The following NOX4 variants were observed in gnomAD, a reference collection of about 807,000 sequenced individuals.
The protein encoded by NOX4 is kidney oxidase-1.
In NOX4, 69 loss-of-function variants were observed where a neutral mutation model predicts 87.6. The ratio of observed to expected loss-of-function variants is 0.79; its 90% CI spans 0.65 to 0.96. The LOEUF (loss-of-function observed/expected upper bound fraction) is 0.96. Among genes scored for constraint, NOX4 ranks in the 40% least tolerant of loss-of-function variants. The pLI is 0.00. For missense variants in NOX4, 680 were observed against 681.5 expected (o/e 1.00, Z 0.02); for synonymous variants, 275 against 238.2 (o/e 1.15, Z -1.42).
the NOX4 span, among the ~76,000 whole-genome samples, chr11:89,566,781 G>A: frequency 1.3e-5 from 2 of 152,190 alleles, no homozygotes; most frequent in African/African-American, 2.4e-5. Flanking sequence ...AACCCTGCAT[G>A]AGACTGCCAA....
chr11:89,457,798 C>T (rs1565317587), intron 2 of NOX4, among the ~76,000 whole-genome samples: 3 of 152,038 alleles, frequency 2.0e-5, no homozygotes, highest in African/African-American at 7.3e-5. Context: ...GATCATAATC[C>T]CATTCACAAT....
rs114769918 is a variant in NOX4, at chr11:89,453,974, T to C, written c.154-2079A>G. Among the ~76,000 whole-genome samples the C allele has an allele frequency of 3.9e-3, 598 of 152,266 alleles. 2 individuals carry two copies. The highest frequency in any genetic ancestry group is 0.012 in the African/African-American group (512 of 41,574). ...ACCACCCTAGATAAGACTTCCCTCC[T>C]AGTAACCCTCTCCAGCCCCAAAAAG... On this transcript the variant is annotated intron_variant, in intron 2 of 17. Coordinates refer to ENST00000263317, the MANE Select transcript of NOX4 (RefSeq NM_016931.5).
chr11:89,521,976 G>C, the NOX4 span, among the ~76,000 whole-genome samples: 1 of 151,994 alleles, frequency 6.6e-6, no homozygotes, highest in African/African-American at 2.4e-5. Flanking sequence ...ACCACAATGA[G>C]ATACCACCTC....
the NOX4 span, among the ~76,000 whole-genome samples, chr11:89,520,833 G>C: frequency 6.6e-6 from 1 of 152,062 alleles, no homozygotes; most frequent in Non-Finnish European, 1.5e-5. Context: ...CTGATAAATG[G>C]CTTTAGTAAA....
chr11:89,486,964 T>C (rs1429344779), intron 2 of NOX4, among the ~76,000 whole-genome samples: 1 of 152,134 alleles, frequency 6.6e-6, no homozygotes, highest in Non-Finnish European at 1.5e-5. Context: ...TAAATAAATG[T>C]CACTGGTTTC....
chr11:89,353,164 A>T (rs902901433), intron 13 of NOX4, among the ~76,000 whole-genome samples: 13 of 152,220 alleles, frequency 8.5e-5, no homozygotes, highest in Non-Finnish European at 1.8e-4. Context: ...CTGAAATGAC[A>T]ATTTACTTGA....
In NOX4 at chr11:89,402,530, C is replaced by A. The variant is rs368154245; in HGVS notation, c.642G>T (p.Lys214Asn). The part of the protein sequence containing the change: ...LTLHVSGGLL[K>N]YQTNLDTHPP... ...GGTGGGTATCTAAATTAGTTTGATA[C>A]TTCAGCAGCCCTCTAAAATTACATT... Residue 214 changes from lysine (K) to asparagine (N), a missense_variant, in exon 9 of 18, where the codon AAG (lysine) becomes AAT (asparagine). Coordinates refer to ENST00000263317, the MANE Select transcript of NOX4 (RefSeq NM_016931.5). The A allele has an allele frequency of 2.4e-5, 38 of 1,610,586 alleles. No homozygotes were observed. The African/African-American group carries it at 3.9e-4, about 16-fold the overall frequency.
chr11:89,442,962 A>T (rs538511311), intron 5 of NOX4, among the ~76,000 whole-genome samples: 3 of 152,178 alleles, frequency 2.0e-5, no homozygotes, highest in South Asian at 2.1e-4. Context: ...GAGAAAGGGA[A>T]GCAGGTGGAA....
At chr11:89,383,876 G>A (rs1444578150) in intron 11 of NOX4, among the ~76,000 whole-genome samples, 1 of 151,950 alleles carries the variant, frequency 6.6e-6, no homozygotes, top group African/African-American at 2.4e-5. Flanking sequence ...TAATCCACAA[G>A]TATAGGATAA....
At chr11:89,508,628 G>A in the NOX4 span, among the ~76,000 whole-genome samples, 1 of 151,964 alleles carries the variant, frequency 6.6e-6, no homozygotes, top group African/African-American at 2.4e-5. Flanking sequence ...TTTTGGAGAG[G>A]ACGGATATGA....
the NOX4 span, chr11:89,548,606 G>A: frequency 6.6e-6 from 1 of 151,940 alleles, no homozygotes. Context: ...GGCCTAGACA[G>A]TGAGGCCTTT....
the NOX4 span, among the ~76,000 whole-genome samples, chr11:89,570,257 A>G: frequency 2.0e-5 from 3 of 152,212 alleles, no homozygotes; most frequent in Non-Finnish European, 4.4e-5. Flanking sequence ...GCAAGAAAAG[A>G]AAACCAAACA....
At chr11:89,425,149 T>C (rs1168496809) in intron 7 of NOX4, among the ~76,000 whole-genome samples, 2 of 151,774 alleles carry the variant, frequency 1.3e-5, no homozygotes, top group Admixed American at 6.6e-5. Context: ...CAAGAATTCC[T>C]AAAATTGAAA....
At chr11:89,446,507 C>T (rs890469341) in intron 4 of NOX4, among the ~76,000 whole-genome samples, 2 of 151,740 alleles carry the variant, frequency 1.3e-5, no homozygotes, top group African/African-American at 4.8e-5. Context: ...AACTGTGGTA[C>T]ATCCAGATAA....
intron 2 of NOX4, among the ~76,000 whole-genome samples, chr11:89,470,995 T>C (rs1945912469): frequency 6.6e-6 from 1 of 152,098 alleles, no homozygotes; most frequent in South Asian, 2.1e-4. Context: ...TTATTAATCT[T>C]TCAGTCACAA....
At chr11:89,332,413 A>C (rs1945512125) in intron 17 of NOX4, among the ~76,000 whole-genome samples, 1 of 151,920 alleles carries the variant, frequency 6.6e-6, no homozygotes, top group South Asian at 2.1e-4. Context: ...AATAAACTTC[A>C]CAGCTCAAAA....
chr11:89,538,503 C>T, the NOX4 span, among the ~76,000 whole-genome samples: 1 of 152,156 alleles, frequency 6.6e-6, no homozygotes, highest in African/African-American at 2.4e-5. Context: ...AACATGTTAA[C>T]AGCTAGACCT....
intron 9 of NOX4, among the ~76,000 whole-genome samples, chr11:89,401,479 C>T (rs572330195): frequency 1.3e-5 from 2 of 152,030 alleles, no homozygotes; most frequent in East Asian, 3.9e-4. Flanking sequence ...AAGTCATCTA[C>T]AAATTCATTC....
At chr11:89,373,831 G>A (rs936908946) in intron 11 of NOX4, among the ~76,000 whole-genome samples, 4 of 151,914 alleles carry the variant, frequency 2.6e-5, no homozygotes, top group African/African-American at 7.2e-5. Flanking sequence ...AATCACAAAG[G>A]AAGAAACAAA....
Sources: gnomAD v4.1 joint callset for allele counts (sites outside exome capture counted in the v4.1 genomes callset) on GRCh38, gnomAD v4.1.1 for gene constraint, MANE v1.5 for transcripts, NCBI Gene and HGNC (gene_info 2026-07-23, HGNC 2026-07-21) for gene names.